STXBP3: variants seen among roughly 807,000 people sequenced by gnomAD.
The protein encoded by STXBP3 is syntaxin-binding protein 3.
STXBP3 carries 41 observed loss-of-function variants against 85.7 expected under a neutral mutation model. That is an observed-to-expected ratio of 0.48 (90% confidence interval 0.37 to 0.62). The LOEUF (loss-of-function observed/expected upper bound fraction) is 0.62, where lower values mean the gene tolerates loss of function less well. STXBP3 is among the 20% of genes least tolerant of loss of function. STXBP3 has a pLI of 0.00. For missense variants in STXBP3, 563 were observed against 703.1 expected (o/e 0.80, Z 2.25); for synonymous variants, 229 against 231.7 (o/e 0.99, Z 0.10).
At chr1:108,765,057 A>G (rs1662229435) in intron 6 of STXBP3, among the ~76,000 whole-genome samples, 1 of 152,064 alleles carries the variant, frequency 6.6e-6, no homozygotes, top group Non-Finnish European at 1.5e-5. Context: ...ATTTTTGTAT[A>G]TGGTGTATGG....
intron 13 of STXBP3, among the ~76,000 whole-genome samples, chr1:108,795,140 TTAATG>T (rs1201910854): frequency 6.6e-6 from 1 of 152,112 alleles, no homozygotes; most frequent in Non-Finnish European, 1.5e-5. Flanking sequence ...TATTTTTTGT[TTAATG>T]GAATGATTTA....
chr1:108,801,389 T>A (rs149335886), intron 17 of STXBP3, among the ~76,000 whole-genome samples: 2 of 152,200 alleles, frequency 1.3e-5, no homozygotes, highest in Non-Finnish European at 2.9e-5. Context: ...CCAAATTGTT[T>A]TAGTAATTTG....
At chr1:108,752,372 A>C in intron 2 of STXBP3, 66 bp downstream of exon 2, 1 of 1,439,150 alleles carries the variant, frequency 6.9e-7, no homozygotes, top group East Asian at 2.3e-5. Context: ...CAGTATAAAA[A>C]CTACATAGTA....
intron 15 of STXBP3, among the ~76,000 whole-genome samples, chr1:108,797,625 C>G (rs1341403285): frequency 1.3e-5 from 2 of 152,090 alleles, no homozygotes; most frequent in African/African-American, 4.8e-5. Flanking sequence ...CCAGGCTGCT[C>G]TCAAACTCCT....
chr1:108,753,350 G>A lies in STXBP3; in HGVS notation c.181+206G>A, dbSNP rs181302077. ...ACATATAATTAAGACCTCTAACCAA[G>A]CCTAACTTAATTGCTTTGTTGAGGT... On this transcript the variant is annotated intron_variant, in intron 3 of 18. Coordinates refer to ENST00000370008, the MANE Select transcript of STXBP3 (RefSeq NM_007269.4). 7.3e-4 allele frequency: 258 copies of A among 351,908 alleles called. 2 individuals carry two copies. The highest frequency in any genetic ancestry group is 6.7e-4 in the Non-Finnish European group (132 of 196,186). 21.8% of individuals were successfully genotyped at this position (351,908 alleles called of 1,614,324 possible). A position where few individuals can be genotyped will look rare whatever the true frequency, so the allele number is the denominator to read the frequency against.
intron 11 of STXBP3, among the ~76,000 whole-genome samples, chr1:108,793,157 A>ATTTTTTTTTCTT (rs751400870): frequency 0.24 from 16,539 of 67,680 alleles, 2,915 homozygotes; most frequent in East Asian, 0.55. Flanking sequence ...TCTTATCTCC[A>ATTTTTTTTTCTT]TTTTTTTTTT....
intron 6 of STXBP3, among the ~76,000 whole-genome samples, chr1:108,761,090 G>A (rs1011423581): frequency 3.9e-5 from 6 of 152,038 alleles, no homozygotes; most frequent in Non-Finnish European, 7.4e-5. Context: ...ATTTTTAGAA[G>A]AGATGGGGTT....
In STXBP3 at chr1:108,771,531, CTA is replaced by C. The variant is rs1367712445; in HGVS notation, c.439-1126_439-1125del. Among the ~76,000 whole-genome samples, 187 of 23,408 alleles carry C rather than the reference CTA, an allele frequency of 8.0e-3. 2 individuals are homozygous for C. The highest frequency in any genetic ancestry group is 0.015 in the African/African-American group (53 of 3,460). The allele number at this position is 23,408 out of a possible 152,430, so 15.4% of individuals were successfully genotyped here. Reference sequence around the variant, plus strand: ...ATATATAAATATATATGATATATATCTATATATATCATATATAAATATATATG... The same window carrying C: ...ATATATAAATATATATGATATATATCTATATATCATATATAAATATATATG... On this transcript the variant is annotated intron_variant, in intron 6 of 18. Transcript: ENST00000370008.
intron 11 of STXBP3, among the ~76,000 whole-genome samples, chr1:108,791,169 C>T (rs1321342003): frequency 2.0e-5 from 3 of 152,150 alleles, no homozygotes; most frequent in Non-Finnish European, 4.4e-5. Flanking sequence ...CAATTTAAAG[C>T]TTTCAATACA....
intron 6 of STXBP3, among the ~76,000 whole-genome samples, 198 bp from the exon 7 acceptor site, chr1:108,772,462 TATATC>T (rs1472472055): frequency 7.0e-6 from 1 of 142,772 alleles, no homozygotes; most frequent in African/African-American, 2.6e-5. Context: ...TATAAATACA[TATATC>T]TATCTGTATA....
At chr1:108,788,306 G>T (rs1014338411) in intron 11 of STXBP3, among the ~76,000 whole-genome samples, 4 of 152,082 alleles carry the variant, frequency 2.6e-5, no homozygotes, top group African/African-American at 9.7e-5. Flanking sequence ...ATATTTTGTT[G>T]TAGGATATTT....
At chr1:108,748,171 G>A (rs762336422) in intron 1 of STXBP3, among the ~76,000 whole-genome samples, 6 of 151,618 alleles carry the variant, frequency 4.0e-5, no homozygotes, top group South Asian at 2.1e-4. Flanking sequence ...TCACAATCTC[G>A]TAATTAACAT....
intron 15 of STXBP3, among the ~76,000 whole-genome samples, chr1:108,797,443 C>G (rs1031554928): frequency 3.4e-5 from 5 of 146,918 alleles, no homozygotes; most frequent in Non-Finnish European, 7.4e-5. Flanking sequence ...GACAGAGGCT[C>G]TCTCTGTAGC....
chr1:108,747,341 A>G (rs999076169), intron 1 of STXBP3, among the ~76,000 whole-genome samples: 24 of 152,142 alleles, frequency 1.6e-4, no homozygotes, highest in Admixed American at 2.0e-4. Context: ...TACTTTCTGA[A>G]AAGTTCTTGA....
chr1:108,794,099 A>G (rs533946236), intron 12 of STXBP3, among the ~76,000 whole-genome samples: 8 of 152,368 alleles, frequency 5.3e-5, no homozygotes, highest in Non-Finnish European at 7.3e-5. Flanking sequence ...TAGTCAACCA[A>G]TGATTTTTGT....
intron 7 of STXBP3, among the ~76,000 whole-genome samples, chr1:108,775,078 C>T (rs1295458886): frequency 6.6e-6 from 1 of 151,898 alleles, no homozygotes; most frequent in African/African-American, 2.4e-5. Context: ...ATTTATTGTA[C>T]AATTAATTTA....
intron 13 of STXBP3, among the ~76,000 whole-genome samples, chr1:108,795,500 AAAAG>A (rs1663070339): frequency 1.3e-5 from 2 of 152,052 alleles, no homozygotes; most frequent in Admixed American, 6.6e-5. Flanking sequence ...TTAAAAAAAA[AAAAG>A]AAAAAAAAAA....
chr1:108,783,825 T>A (rs1662772909), intron 11 of STXBP3, among the ~76,000 whole-genome samples: 1 of 152,190 alleles, frequency 6.6e-6, no homozygotes, highest in Admixed American at 6.5e-5. Context: ...CAACACTTGA[T>A]ATATTCTTGT....
chr1:108,763,512 A>T (rs371565382), intron 6 of STXBP3, among the ~76,000 whole-genome samples: 2 of 152,338 alleles, frequency 1.3e-5, no homozygotes, highest in South Asian at 4.1e-4. Context: ...GATAAGGCAG[A>T]TGGTAACTCT....
Sources: gnomAD v4.1 joint callset for allele counts (sites outside exome capture counted in the v4.1 genomes callset) on GRCh38, gnomAD v4.1.1 for gene constraint, MANE v1.5 for transcripts, NCBI Gene and HGNC (gene_info 2026-07-23, HGNC 2026-07-21) for gene names.